The following RSF1 variants were observed in gnomAD, a reference collection of about 807,000 sequenced individuals.
The protein encoded by RSF1 is remodeling and spacing factor 1.
RSF1 carries 13 observed loss-of-function variants against 145.2 expected under a neutral mutation model. The observed-to-expected ratio is 0.09, with a 90% CI of 0.06 to 0.14. The LOEUF (loss-of-function observed/expected upper bound fraction) is 0.14. RSF1 is among the 10% of genes least tolerant of loss of function. The pLI is 1.00. For synonymous variants in RSF1, 577 were observed against 592.6 expected (o/e 0.97, Z 0.38); for missense variants, 1,517 against 1,718.2 (o/e 0.88, Z 2.07).
intron 5 of RSF1, among the ~76,000 whole-genome samples, chr11:77,723,963 T>C (rs1012362675): frequency 2.6e-5 from 4 of 152,218 alleles, no homozygotes; most frequent in African/African-American, 9.6e-5. Context: ...TGGTTAGAAT[T>C]TGATCTGCCT....
chr11:77,743,140 A>G (rs1284001036), intron 3 of RSF1, among the ~76,000 whole-genome samples: 1 of 152,278 alleles, frequency 6.6e-6, no homozygotes, highest in Non-Finnish European at 1.5e-5. Flanking sequence ...TCTGATTACT[A>G]TAACTCAGTA....
chr11:77,828,285 A>C, the RSF1 span, among the ~76,000 whole-genome samples: 1 of 152,032 alleles, frequency 6.6e-6, no homozygotes, highest in South Asian at 2.1e-4. Flanking sequence ...AAAAAAACAA[A>C]ATACACAAAC....
the RSF1 span, among the ~76,000 whole-genome samples, chr11:77,842,128 G>C: frequency 8.2e-3 from 1,253 of 152,240 alleles, 14 homozygotes; most frequent in African/African-American, 0.027. Context: ...CAAATTTTTG[G>C]TTTTGACAGT....
At chr11:77,691,059 G>C (rs185079837) in intron 9 of RSF1, 100 bp downstream of exon 9, 2 of 1,177,564 alleles carry the variant, frequency 1.7e-6, no homozygotes, top group African/African-American at 3.0e-5. Flanking sequence ...ACAGGCCACA[G>C]TATGCCAATC....
chr11:77,776,606 G>A (rs1190407699), intron 1 of RSF1, among the ~76,000 whole-genome samples: 1 of 152,078 alleles, frequency 6.6e-6, no homozygotes, highest in Non-Finnish European at 1.5e-5. Flanking sequence ...ATATCATAAA[G>A]CAATACCCAA....
intron 2 of RSF1, chr11:77,762,027 C>CTTTTCTTTTT (rs1948178767): frequency 3.4e-5 from 2 of 58,756 alleles, no homozygotes; most frequent in African/African-American, 1.6e-4. Context: ...CTTTTCTTTT[C>CTTTTCTTTTT]TTTTTTTTTT....
intron 9 of RSF1, among the ~76,000 whole-genome samples, chr11:77,689,773 A>C (rs1960101972): frequency 6.6e-6 from 1 of 152,230 alleles, no homozygotes; most frequent in South Asian, 2.1e-4. Flanking sequence ...GAAATAGATT[A>C]ATTAAAGAAG....
rs780976222 is a variant in RSF1 at position 77,688,459 on chromosome 11, C to T, written c.2900+2700G>A. 9.2e-5 allele frequency among the ~76,000 whole-genome samples: 14 copies of T among 152,210 alleles called. No homozygotes were observed. In the East Asian group the frequency reaches 2.5e-3, roughly 27 times the overall value. ...GCAAAGGAAAAATCTAGTTTTTATTCGTGATTTAATTTAAATACCTTTAGT... is the reference window on the plus strand; with the variant it reads ...GCAAAGGAAAAATCTAGTTTTTATTTGTGATTTAATTTAAATACCTTTAGT... On this transcript the variant is annotated intron_variant, in intron 9 of 15. Coordinates refer to ENST00000308488, the MANE Select transcript of RSF1 (RefSeq NM_016578.4).
chr11:77,696,678 G>A (rs559897454), intron 7 of RSF1, among the ~76,000 whole-genome samples: 15 of 152,302 alleles, frequency 9.8e-5, no homozygotes, highest in Admixed American at 6.5e-4. Context: ...GAGAACACAA[G>A]TGATGCTTTT....
chr11:77,754,225 G>T (rs1164743100), intron 2 of RSF1, among the ~76,000 whole-genome samples: 3 of 152,070 alleles, frequency 2.0e-5, no homozygotes, highest in Non-Finnish European at 4.4e-5. Context: ...AAAATAATAT[G>T]CTGAAAATAA....
chr11:77,696,869 T>C (rs1045373890), intron 7 of RSF1, among the ~76,000 whole-genome samples: 3 of 152,202 alleles, frequency 2.0e-5, no homozygotes, highest in African/African-American at 7.2e-5. Flanking sequence ...TGGTTCTATC[T>C]TTTACTTGAG....
chr11:77,764,504 T>G lies in RSF1; in HGVS notation c.279+94A>C, dbSNP rs1216510449. ...AGCCATAGTCTTACTTTTAGTAAAC[T>G]AATTAAAAATTATGTGTATTATAAA... is the stretch of plus-strand genomic sequence containing the variant. On this transcript the variant is annotated intron_variant, in intron 2 of 15. Coordinates refer to ENST00000308488, the MANE Select transcript of RSF1 (RefSeq NM_016578.4). The G allele has an allele frequency of 4.0e-6, 3 of 741,030 alleles. No homozygotes were observed. The East Asian group carries it at 8.4e-5, about 21-fold the overall frequency. 45.9% of individuals were successfully genotyped at this position (741,030 alleles called of 1,614,324 possible). A position where few individuals can be genotyped will look rare whatever the true frequency, so the allele number is the denominator to read the frequency against.
At chr11:77,699,133 G>A (rs1182596338) in intron 6 of RSF1, among the ~76,000 whole-genome samples, 1 of 152,038 alleles carries the variant, frequency 6.6e-6, no homozygotes, top group Admixed American at 6.5e-5. Context: ...TGGGTCAAAG[G>A]TCATGCACAT....
chr11:77,668,915 G>A (rs902038528), intron 15 of RSF1, among the ~76,000 whole-genome samples: 6 of 380 alleles, frequency 0.016, no homozygotes, highest in Admixed American at 0.091. Flanking sequence ...ATGTGCTAAC[G>A]GCTCTCATTT....
intron 15 of RSF1, among the ~76,000 whole-genome samples, chr11:77,671,822 C>A (rs746340513): frequency 2.6e-5 from 4 of 151,970 alleles, no homozygotes; most frequent in Non-Finnish European, 5.9e-5. Flanking sequence ...TTAGTAGAGA[C>A]AAGGTCTCAC....
chr11:77,699,396 C>G (rs993591194), intron 6 of RSF1, among the ~76,000 whole-genome samples: 2 of 129,780 alleles, frequency 1.5e-5, no homozygotes, highest in African/African-American at 5.9e-5. Context: ...CAGCAAAGAA[C>G]AAAATAAGTC....
rs2135945802 is a variant in RSF1, at chr11:77,772,180, T to C, written c.188-7491A>G. Among the ~76,000 whole-genome samples, 3 of 144,766 alleles carry C rather than the reference T, an allele frequency of 2.1e-5. No individual in the cohort carries two copies. The South Asian group carries it at 6.5e-4, about 31-fold the overall frequency. 95.0% of individuals were successfully genotyped at this position (144,766 alleles called of 152,430 possible). ...TATTTGTACATTTTGTTTCTGACACTTTTTTTTTTTTGAGACAGGGTCTCA... is the reference window on the plus strand; with the variant it reads ...TATTTGTACATTTTGTTTCTGACACCTTTTTTTTTTTGAGACAGGGTCTCA... On this transcript the variant is annotated intron_variant, in intron 1 of 15. Coordinates refer to ENST00000308488, the MANE Select transcript of RSF1 (RefSeq NM_016578.4).
rs528768238 is a variant in RSF1 at position 77,745,793 on chromosome 11, C to T, written c.372+1243G>A. On this transcript the variant is annotated intron_variant, in intron 3 of 15. Transcript: ENST00000308488. ...AGTCAGATTTCTTCCTATCTCTGCC[C>T]GGGCAGACAACACATTAAGTTACTT... Among the ~76,000 whole-genome samples, 8 of 151,420 alleles carry T rather than the reference C, an allele frequency of 5.3e-5. No homozygotes were observed. In the East Asian group the frequency reaches 7.8e-4, roughly 15 times the overall value.
intron 5 of RSF1, among the ~76,000 whole-genome samples, chr11:77,720,980 C>A (rs533833696): frequency 6.6e-6 from 1 of 152,028 alleles, no homozygotes; most frequent in African/African-American, 2.4e-5. Flanking sequence ...CATTTTTTTG[C>A]CCACTTTTAC....
Sources: allele counts gnomAD v4.1 joint callset (sites outside exome capture counted in the v4.1 genomes callset), GRCh38; gene constraint gnomAD v4.1.1; transcripts MANE v1.5; gene names NCBI Gene and HGNC (gene_info 2026-07-23, HGNC 2026-07-21).